The following UGT1A3 variants were observed in gnomAD, a reference collection of about 807,000 sequenced individuals.
UGT1A3 encodes the protein UDP glucuronosyltransferase family 1 member A3.
A neutral mutation model predicts 41.0 loss-of-function variants in UGT1A3; 31 were observed. The ratio of observed to expected loss-of-function variants is 0.76; its 90% CI spans 0.57 to 1.02. The LOEUF is 1.02. UGT1A3 is among the 50% of genes least tolerant of loss of function. UGT1A3 has a pLI of 0.00. For synonymous variants in UGT1A3, 262 were observed against 257.6 expected, an observed-to-expected ratio of 1.02 and a Z score of -0.17; for missense variants, 737 against 671.0, an observed-to-expected ratio of 1.10 and a Z score of -1.09.
intron 1 of UGT1A3, 110 bp from the exon 2 acceptor site, chr2:233,766,924 A>G (rs985684086): frequency 6.4e-7 from 1 of 1,565,332 alleles, no homozygotes; most frequent in Admixed American, 1.9e-5. Flanking sequence ...TCAAACACGC[A>G]TGCCTTTAAT....
intron 1 of UGT1A3, chr2:233,743,986 G>A (rs1692630126): frequency 1.6e-6 from 2 of 1,282,376 alleles, no homozygotes; most frequent in South Asian, 2.6e-5. Context: ...CCCAGGCGCA[G>A]GCCCGAGTGC....
In UGT1A3 at chr2:233,769,970, G is replaced by A. The variant is rs1018671340; in HGVS notation, c.1307+1531G>A. On this transcript the variant is annotated intron_variant, in intron 4 of 4. Coordinates refer to ENST00000482026, the MANE Select transcript of UGT1A3 (RefSeq NM_019093.4). The surrounding 1 kb of genome is among the most constrained non-coding windows in gnomAD (Gnocchi z 4.4). ...AGCGGCTTCTTCTGGCCACCTCAAT[G>A]TCAGGATGTCCTGCTCACATATCAA... 2.9e-5 allele frequency: 6 copies of A among 208,668 alleles called. No individual in the cohort carries two copies. The highest frequency in any genetic ancestry group is 2.2e-4 in the South Asian group (2 of 9,026). The allele number at this position is 208,668 out of a possible 1,614,324, so 12.9% of individuals were successfully genotyped here.
chr2:233,769,680 T>C lies in UGT1A3; in HGVS notation c.1307+1241T>C. On this transcript the variant is annotated intron_variant, in intron 4 of 4. Transcript: ENST00000482026. The surrounding 1 kb of genome is among the most constrained non-coding windows in gnomAD (Gnocchi z 4.4). The stretch of plus-strand genomic sequence containing the variant: ...CACCTTTGAGGTGCTAATGTGTGTG[T>C]GGTGGCACTGGATAAAAGATCAATG... 1 of 1,566,500 alleles carries C rather than the reference T, an allele frequency of 6.4e-7. No individual in the cohort carries two copies. The highest frequency in any genetic ancestry group is 8.7e-7 in the Non-Finnish European group (1 of 1,155,954).
At chr2:233,734,324 A>G (rs1395140152) in intron 1 of UGT1A3, among the ~76,000 whole-genome samples, 1 of 152,194 alleles carries the variant, frequency 6.6e-6, no homozygotes, top group Non-Finnish European at 1.5e-5. Flanking sequence ...ACGTATTTAT[A>G]GTATTCTCTG....
intron 1 of UGT1A3, among the ~76,000 whole-genome samples, chr2:233,738,662 G>C (rs958812061): frequency 3.9e-5 from 6 of 152,136 alleles, no homozygotes; most frequent in African/African-American, 7.2e-5. Context: ...CTACGAACTT[G>C]AGAGAGATGA....
rs763644438 is a variant in UGT1A3 at position 233,767,047 on chromosome 2, ACATTAATGCTTC to A, written c.882_893del (p.Ile295_Ser298del). The A allele has an allele frequency of 7.4e-6, 12 of 1,614,036 alleles. No homozygotes were observed. The highest frequency in any genetic ancestry group is 9.3e-6 in the Non-Finnish European group (11 of 1,180,022). The stretch of plus-strand genomic sequence containing the variant: ...TTCTGGCTCTAGGAATTTGAAGCCT[ACATTAATGCTTC>A]TGGAGAACATGGAATTGTGGTTTTC... On this transcript the variant is annotated inframe_deletion, in exon 2 of 5. Coordinates refer to ENST00000482026, the MANE Select transcript of UGT1A3 (RefSeq NM_019093.4).
chr2:233,766,947 A>G (rs749614811), intron 1 of UGT1A3, 87 bp from the exon 2 acceptor site: 24 of 1,599,406 alleles, frequency 1.5e-5, no homozygotes, highest in Non-Finnish European at 2.0e-5. Context: ...TAGTCTTAAG[A>G]GGAAGATATC....
intron 1 of UGT1A3, chr2:233,756,080 A>T (rs1179999635): frequency 6.6e-6 from 1 of 152,234 alleles, no homozygotes; most frequent in African/African-American, 2.4e-5. Flanking sequence ...GACAATGAGA[A>T]AATCAAGTAA....
At chr2:233,736,707 G>C (rs536736454) in intron 1 of UGT1A3, among the ~76,000 whole-genome samples, 9 of 152,300 alleles carry the variant, frequency 5.9e-5, no homozygotes, top group African/African-American at 1.9e-4. Flanking sequence ...TTTTGGTGTA[G>C]ATGTCCTTTT....
At chr2:233,743,391 G>C in intron 1 of UGT1A3, 1 of 1,255,182 alleles carries the variant, frequency 8.0e-7, no homozygotes, top group Non-Finnish European at 1.1e-6. Context: ...AGGACATGCA[G>C]AAGGAAGAAA....
Position 233,767,879 on chromosome 2 carries a change from T to C in UGT1A3, c.1030T>C (p.Ser344Pro). 1 of 1,614,180 alleles carries C rather than the reference T, an allele frequency of 6.2e-7. No homozygotes were observed. The highest frequency in any genetic ancestry group is 1.6e-4 in the Middle Eastern group (1 of 6,062). ...VLWRYTGTRP[S>P]NLANNTILVK... ...GTGGCGGTACACTGGAACCCGACCA[T>C]CGAATCTTGCGAACAACACGATACT... The change falls in exon 3 of 5, where the codon TCG becomes CCG. Residue 344 changes from serine (S) to proline (P), a missense_variant. Coordinates refer to ENST00000482026, the MANE Select transcript of UGT1A3 (RefSeq NM_019093.4).
rs756538337 is a variant in UGT1A3, at chr2:233,729,898, C to T, written c.772C>T (p.Arg258Ter). Residue 258 changes from arginine to a stop codon, truncating the protein, a stop_gained, in exon 1 of 5, where the codon CGA (arginine) becomes TGA (stop). Coordinates refer to ENST00000482026, the MANE Select transcript of UGT1A3 (RefSeq NM_019093.4). LOFTEE classifies it high-confidence loss of function. Reference protein sequence around the residue: ...ILSHASVWLFRGDFVMDYPRP... With the variant: ...ILSHASVWLF ...CAGTCATGCATCTGTGTGGCTGTTCCGAGGGGACTTTGTGATGGACTACCC... is the reference window on the plus strand; with the variant it reads ...CAGTCATGCATCTGTGTGGCTGTTCTGAGGGGACTTTGTGATGGACTACCC... 1.5e-5 allele frequency: 24 copies of T among 1,613,872 alleles called. No homozygotes were observed. Among genetic ancestry groups the T allele is most frequent in the East Asian group, 4.5e-5 (2 of 44,878 alleles).
intron 1 of UGT1A3, among the ~76,000 whole-genome samples, chr2:233,764,077 A>T (rs1698472611): frequency 6.6e-6 from 1 of 152,230 alleles, no homozygotes; most frequent in Non-Finnish European, 1.5e-5. Flanking sequence ...GGGAAAATCT[A>T]ATTAAAAGCC....
intron 1 of UGT1A3, chr2:233,747,107 A>T: frequency 1.4e-6 from 2 of 1,386,060 alleles, no homozygotes; most frequent in Admixed American, 4.1e-5. Flanking sequence ...TTCCAATTAC[A>T]TGATGATTTG....
chr2:233,743,642 C>T (rs756255073), intron 1 of UGT1A3: 3 of 1,367,306 alleles, frequency 2.2e-6, no homozygotes, highest in South Asian at 1.1e-5. Flanking sequence ...GTCGCGGAAG[C>T]TGAAGACGTA....
At position 233,772,339 on chromosome 2, in the gene UGT1A3, G is replaced by A; in HGVS notation, c.1385G>A (p.Trp462Ter). The change falls in exon 5 of 5, where the codon TGG (tryptophan) becomes TAG (stop). Residue 462 changes from tryptophan to a stop codon, truncating the protein, a stop_gained. Transcript: ENST00000482026. LOFTEE classifies it high-confidence loss of function. ...GAGCCGCTGGACCTGGCCGTGTTCT[G>A]GGTGGAGTTTGTGATGAGGCACAAG... ...PVEPLDLAVF[W>*]VEFVMRHKGA... 2 of 1,614,256 alleles carry A rather than the reference G, an allele frequency of 1.2e-6. No homozygotes were observed. The highest frequency in any genetic ancestry group is 1.7e-6 in the Non-Finnish European group (2 of 1,180,038).
Position 233,729,977 on chromosome 2 carries a change from GGAA to G in UGT1A3, c.853_855del (p.Lys285del). The G allele has an allele frequency of 1.2e-6, 2 of 1,614,018 alleles. No homozygotes were observed. The highest frequency in any genetic ancestry group is 2.7e-5 in the African/African-American group (2 of 75,028). On this transcript the variant is annotated inframe_deletion, in exon 1 of 5. Transcript: ENST00000482026. ...ATTGGGGGCATCAACTGTGCCAACA[GGAA>G]GCCACTATCTCAGGTCTGTATTGGT...
At chr2:233,757,560 A>ATATATATATATATATATATATG (rs904896556) in intron 1 of UGT1A3, among the ~76,000 whole-genome samples, 6 of 123,150 alleles carry the variant, frequency 4.9e-5, no homozygotes, top group African/African-American at 2.0e-4. Flanking sequence ...ATATATATAT[A>ATATATATATATATATATATATG]TGTATATATG....
In UGT1A3 at chr2:233,729,945, G is replaced by A. The variant is rs752275204; in HGVS notation, c.819G>A (p.Met273Ile). ...MDYPRPIMPNMVFIGGINCAN... is the reference protein window; with the variant it reads ...MDYPRPIMPNIVFIGGINCAN... ...ACCCCAGGCCAATCATGCCCAACAT[G>A]GTCTTCATTGGGGGCATCAACTGTG... The change falls in exon 1 of 5, where the codon ATG becomes ATA. Residue 273 changes from methionine (M) to isoleucine (I), a missense_variant. Coordinates refer to ENST00000482026, the MANE Select transcript of UGT1A3 (RefSeq NM_019093.4). The A allele has an allele frequency of 3.7e-6, 6 of 1,613,976 alleles. No individual in the cohort carries two copies. Among genetic ancestry groups the A allele is most frequent in the Admixed American group, 1.7e-5 (1 of 60,020 alleles).
Sources: allele counts gnomAD v4.1 joint callset (sites outside exome capture counted in the v4.1 genomes callset), GRCh38; gene constraint gnomAD v4.1.1; non-coding constraint Gnocchi (gnomAD v3.1); transcripts MANE v1.5; gene names NCBI Gene and HGNC (gene_info 2026-07-23, HGNC 2026-07-21).